Variants in USP43 observed in about 807,000 individuals in gnomAD.
USP43 encodes the protein ubiquitin carboxyl-terminal hydrolase 43.
A neutral mutation model predicts 90.7 loss-of-function variants in USP43; 33 were observed. That is an observed-to-expected ratio of 0.36 (90% CI 0.28 to 0.49). USP43 has a LOEUF of 0.49. USP43 is among the 20% of genes least tolerant of loss of function. USP43 has a pLI of 0.98. For missense variants in USP43, 1,274 were observed against 1,476.4 expected, an observed-to-expected ratio of 0.86 and a Z score of 2.25; for synonymous variants, 598 against 615.8, an observed-to-expected ratio of 0.97 and a Z score of 0.43.
chr17:9,650,294 CTAAACTA>C (rs1911764033), intron 1 of USP43, among the ~76,000 whole-genome samples: 1 of 152,128 alleles, frequency 6.6e-6, no homozygotes, highest in Admixed American at 6.5e-5. Context: ...TTATTGAGGT[CTAAACTA>C]TATACAGTGA....
At chr17:9,705,763 AAAC>A (rs1239327454) in intron 12 of USP43, among the ~76,000 whole-genome samples, 13 of 149,532 alleles carry the variant, frequency 8.7e-5, no homozygotes, top group Admixed American at 1.3e-4. Context: ...CAAAAAAAAA[AAAC>A]AACAACAACA....
At chr17:9,691,796 C>T (rs1405315561) in intron 8 of USP43, among the ~76,000 whole-genome samples, 7 of 152,038 alleles carry the variant, frequency 4.6e-5, no homozygotes, top group African/African-American at 1.7e-4. Flanking sequence ...TGCCTGTAAT[C>T]CCAGCACTTT....
intron 9 of USP43, among the ~76,000 whole-genome samples, 193 bp downstream of exon 9, chr17:9,693,423 A>G (rs1028934615): frequency 6.6e-6 from 1 of 151,988 alleles, no homozygotes; most frequent in Non-Finnish European, 1.5e-5. Flanking sequence ...GAGAGGCACT[A>G]TTATGTCCGC....
At chr17:9,696,216 C>T (rs916848797) in intron 9 of USP43, among the ~76,000 whole-genome samples, 1 of 152,052 alleles carries the variant, frequency 6.6e-6, no homozygotes, top group Non-Finnish European at 1.5e-5. Flanking sequence ...TCACTGCAAC[C>T]CCCGCCTCCT....
intron 12 of USP43, among the ~76,000 whole-genome samples, chr17:9,707,452 C>T (rs1915948375): frequency 6.6e-6 from 1 of 152,070 alleles, no homozygotes. Flanking sequence ...CAAGACCATC[C>T]TGGCTAACAT....
intron 1 of USP43, among the ~76,000 whole-genome samples, chr17:9,652,212 C>CAAAAAAAAAAAAAAAAAAAAA (rs769295315): frequency 4.7e-5 from 2 of 42,706 alleles, no homozygotes; most frequent in Admixed American, 2.5e-4. Flanking sequence ...GCCCTTAGCG[C>CAAAAAAAAAAAAAAAAAAAAA]AAAAAAAAAA....
chr17:9,677,842 T>G (rs79678558), intron 5 of USP43, among the ~76,000 whole-genome samples: 2,090 of 152,318 alleles, frequency 0.014, 46 homozygotes, highest in African/African-American at 0.048. Flanking sequence ...GCTGGCTTTC[T>G]CTACGTTCAT....
At chr17:9,707,011 A>G (rs538632) in intron 12 of USP43, among the ~76,000 whole-genome samples, 59,470 of 151,994 alleles carry the variant, frequency 0.39, 14,014 homozygotes, top group African/African-American at 0.67. Flanking sequence ...ACAATTGGTA[A>G]CTTTCAAGCT....
intron 9 of USP43, among the ~76,000 whole-genome samples, chr17:9,699,360 GGC>G (rs1915444776): frequency 6.6e-6 from 1 of 152,194 alleles, no homozygotes; most frequent in Non-Finnish European, 1.5e-5. Context: ...ACTCCCTCCT[GGC>G]TCACGCAGGA....
At chr17:9,715,452 C>CA (rs778390719) in intron 14 of USP43, among the ~76,000 whole-genome samples, 2 of 151,728 alleles carry the variant, frequency 1.3e-5, no homozygotes, top group Admixed American at 6.6e-5. Flanking sequence ...GACCTTGTCT[C>CA]AAAAAAACAA....
chr17:9,694,997 G>A (rs1915173151), intron 9 of USP43, among the ~76,000 whole-genome samples: 1 of 152,136 alleles, frequency 6.6e-6, no homozygotes, highest in Admixed American at 6.5e-5. Context: ...TTTTACCATA[G>A]GTAGTTTGAG....
Position 9,729,086 on chromosome 17 carries a change from T to C in USP43, c.*96T>C, listed in dbSNP as rs1368847447. 51 of 1,313,928 alleles carry C rather than the reference T, an allele frequency of 3.9e-5. No homozygotes were observed. The highest frequency in any genetic ancestry group is 5.1e-5 in the Non-Finnish European group (51 of 1,001,596). The allele number at this position is 1,313,928 out of a possible 1,614,324, so 81.4% of individuals were successfully genotyped here. A position where few individuals can be genotyped will look rare whatever the true frequency, so the allele number is the denominator to read the frequency against. On this transcript the variant is annotated 3_prime_UTR_variant, in exon 15 of 15. Transcript: ENST00000285199. ...TGAGAATGGGTTTCCAGGAAACCCG[T>C]TGTCTTGTAATCTCTAAAAAAAAAT...
rs927689968 is a variant in USP43 at position 9,649,735 on chromosome 17, C to A, written c.504+3599C>A. Among the ~76,000 whole-genome samples, 24 of 147,190 alleles carry A rather than the reference C, an allele frequency of 1.6e-4. 2 individuals are homozygous for A. Among genetic ancestry groups the A allele is most frequent in the Non-Finnish European group, 4.5e-5 (3 of 66,824 alleles). Reference sequence around the variant, plus strand: ...AAAAAAAAGAGATCTGTAATTTTAACCCCTAGAGATAACCATTGTAAATAT... The same window carrying A: ...AAAAAAAAGAGATCTGTAATTTTAAACCCTAGAGATAACCATTGTAAATAT... On this transcript the variant is annotated intron_variant, in intron 1 of 14. Transcript: ENST00000285199.
At chr17:9,681,887 G>C (rs1196998124) in intron 6 of USP43, among the ~76,000 whole-genome samples, 1 of 152,170 alleles carries the variant, frequency 6.6e-6, no homozygotes, top group Admixed American at 6.6e-5. Context: ...AGCCTAGGTA[G>C]CAGGCTATGG....
chr17:9,728,681 C>G lies in USP43; in HGVS notation c.3063C>G (p.Pro1021=). 1 of 1,612,474 alleles carries G rather than the reference C, an allele frequency of 6.2e-7. No homozygotes were observed. The stretch of plus-strand genomic sequence containing the variant: ...GGGCAGAGGTCTCTCCACAGGTGCC[C>G]CCCGTCTCCCTGGTGAGTGGCGGGC... ...NERAEVSPQV[P]PVSLVSGGLS... Residue 1021 remains proline (P), a synonymous_variant, in exon 15 of 15, where the codon CCC becomes CCG. Transcript: ENST00000285199. This position sits in a 1 kb window ranked among gnomAD's most constrained non-coding sequence, Gnocchi z 6.2.
rs1267569784 is a variant in USP43, at chr17:9,728,399, A to C, written c.2781A>C (p.Arg927Ser). The change falls in exon 15 of 15, where the codon AGA becomes AGC. Residue 927 changes from arginine (R) to serine (S), a missense_variant. Arg to Ser is a moderately radical substitution (Grantham distance 110). Coordinates refer to ENST00000285199, the MANE Select transcript of USP43 (RefSeq NM_153210.5). The surrounding 1 kb of genome is among the most constrained non-coding windows in gnomAD (Gnocchi z 6.2). ...CAGGGCAGGACATCAAGCTTCCCAG[A>C]AAGTTTGACCTGCCTCTCACTGTGA... ...ENAGQDIKLP[R>S]KFDLPLTVMP... The C allele has an allele frequency of 1.2e-6, 2 of 1,608,764 alleles. No homozygotes were observed. The highest frequency in any genetic ancestry group is 1.7e-5 in the Admixed American group (1 of 59,000).
At chr17:9,727,420 A>G (rs532676414) in intron 14 of USP43, among the ~76,000 whole-genome samples, 9 of 152,258 alleles carry the variant, frequency 5.9e-5, no homozygotes, top group African/African-American at 2.2e-4. Flanking sequence ...TGCATGCATA[A>G]TACATGCACG....
At chr17:9,678,691 T>C (rs1913957720) in intron 5 of USP43, among the ~76,000 whole-genome samples, 1 of 152,140 alleles carries the variant, frequency 6.6e-6, no homozygotes, top group African/African-American at 2.4e-5. Context: ...TCTTATGCTA[T>C]TTACCCTGTT....
Position 9,645,737 on chromosome 17 carries a change from G to T in USP43, c.105G>T (p.Leu35=). The change falls in exon 1 of 15, where the codon CTG becomes CTT. Residue 35 remains leucine (L), a synonymous_variant. Transcript: ENST00000285199. This position sits in a 1 kb window ranked among gnomAD's most constrained non-coding sequence, Gnocchi z 6.8. ...TGTTCAGCCGCTTCCTGCTGGCGCT[G>T]GGCAGCCGCTCACGCCCCGGGGACT... ...RRLFSRFLLA[L]GSRSRPGDSP... is the part of the protein sequence containing the mutation. 7.3e-7 allele frequency: 1 copy of T among 1,378,452 alleles called. No individual in the cohort carries two copies. The highest frequency in any genetic ancestry group is 9.3e-7 in the Non-Finnish European group (1 of 1,072,084). 85.4% of individuals were successfully genotyped at this position (1,378,452 alleles called of 1,614,324 possible).
Sources: gnomAD v4.1 joint callset for allele counts (sites outside exome capture counted in the v4.1 genomes callset) on GRCh38, gnomAD v4.1.1 for gene constraint, Gnocchi (gnomAD v3.1) non-coding constraint, MANE v1.5 for transcripts, NCBI Gene and HGNC (gene_info 2026-07-23, HGNC 2026-07-21) for gene names.